Variants in RSPO4 observed in about 807,000 individuals in gnomAD.
The protein encoded by RSPO4 is R-spondin 4.
In RSPO4, 23 loss-of-function variants were observed where a neutral mutation model predicts 24.8. That is an observed-to-expected ratio of 0.93 (90% CI 0.67 to 1.31). The LOEUF (loss-of-function observed/expected upper bound fraction) is 1.31, where lower values mean the gene tolerates loss of function less well. Ranked by LOEUF, RSPO4 falls within the 40% of genes most tolerant of loss-of-function variation. The pLI is 0.00. For missense variants in RSPO4, 333 were observed against 316.5 expected (o/e 1.05, Z -0.39); for synonymous variants, 141 against 127.4 (o/e 1.11, Z -0.72).
intron 1 of RSPO4, among the ~76,000 whole-genome samples, chr20:983,177 C>T (rs1298243358): frequency 6.6e-6 from 1 of 152,220 alleles, no homozygotes; most frequent in Non-Finnish European, 1.5e-5. Flanking sequence ...ATCAACAGAG[C>T]TCAGGGCTAG....
At chr20:993,579 A>G (rs1985180166) in intron 1 of RSPO4, among the ~76,000 whole-genome samples, 1 of 152,150 alleles carries the variant, frequency 6.6e-6, no homozygotes, top group South Asian at 2.1e-4. Flanking sequence ...AGGGAGAATA[A>G]TAGGGTCAAG....
intron 1 of RSPO4, among the ~76,000 whole-genome samples, chr20:978,043 G>C (rs1984621124): frequency 6.6e-6 from 1 of 152,174 alleles, no homozygotes; most frequent in African/African-American, 2.4e-5. Flanking sequence ...CTCTAGCAAG[G>C]GGGTGGGCCC....
intron 1 of RSPO4, among the ~76,000 whole-genome samples, chr20:996,669 T>C (rs566550214): frequency 6.6e-6 from 1 of 152,296 alleles, no homozygotes; most frequent in Admixed American, 6.5e-5. Flanking sequence ...GGAACACCCA[T>C]CTCTGCTGTC....
rs1177377572 is a variant in RSPO4, at chr20:964,963, G to C, written c.410-843C>G. On this transcript the variant is annotated intron_variant, in intron 3 of 4. Transcript: ENST00000217260. ...TAGAGCAGAGGTTTGCTAAGGGAACGCAGCAAGAGGCTCACACAGCAGACA... is the reference window on the plus strand; with the variant it reads ...TAGAGCAGAGGTTTGCTAAGGGAACCCAGCAAGAGGCTCACACAGCAGACA... 1.1e-4 allele frequency among the ~76,000 whole-genome samples: 17 copies of C among 152,106 alleles called. 1 individual carries two copies. The East Asian group carries it at 3.1e-3, about 28-fold the overall frequency.
At position 958,461 on chromosome 20, in the gene RSPO4, T is replaced by C. The variant is rs1983861798; in HGVS notation, c.*1896A>G. ...TGATGCTCAAGAAGCATTTACAAGT[T>C]TCTTTTCCCTTTATTAAGAAAGTTT... On this transcript the variant is annotated 3_prime_UTR_variant, in exon 5 of 5. Coordinates refer to ENST00000217260, the MANE Select transcript of RSPO4 (RefSeq NM_001029871.4). 6.6e-6 allele frequency: 1 copy of C among 152,320 alleles called. No individual in the cohort carries two copies. The highest frequency in any genetic ancestry group is 1.5e-5 in the Non-Finnish European group (1 of 68,032). The allele number at this position is 152,320 out of a possible 1,614,324, so 9.4% of individuals were successfully genotyped here.
chr20:967,314 T>C lies in RSPO4; in HGVS notation c.269A>G (p.Lys90Arg). Residue 90 changes from lysine to arginine, a missense_variant and splice_region_variant, in exon 3 of 5, where the codon AAA becomes AGA. Coordinates refer to ENST00000217260, the MANE Select transcript of RSPO4 (RefSeq NM_001029871.4). ...IRGQEVNRCK[K>R]CGATCESCFS... ...GCAGCTCTCACAAGTGGCCCCACAT[T>C]CTGTAATAGAGCCAGGGACACCCCA... The C allele has an allele frequency of 6.2e-7, 1 of 1,614,066 alleles. No homozygotes were observed.
rs1983936426 is a variant in RSPO4 at position 960,107 on chromosome 20, T to C, written c.*250A>G. The C allele has an allele frequency of 3.7e-6, 2 of 543,542 alleles. No individual in the cohort carries two copies. Among genetic ancestry groups the C allele is most frequent in the Non-Finnish European group, 6.4e-6 (2 of 310,124 alleles). The allele number at this position is 543,542 out of a possible 1,614,324, so 33.7% of individuals were successfully genotyped here. On this transcript the variant is annotated 3_prime_UTR_variant, in exon 5 of 5. Transcript: ENST00000217260. ...AAGAAAAGGAAAGATAAAAGATAAGTGAGAAAGAAGAGGAAGGAAGGGAAG... is the reference window on the plus strand; with the variant it reads ...AAGAAAAGGAAAGATAAAAGATAAGCGAGAAAGAAGAGGAAGGAAGGGAAG...
Position 981,472 on chromosome 20 carries a change from C to G in RSPO4, c.80-13334G>C, listed in dbSNP as rs1287468387. Among the ~76,000 whole-genome samples the G allele has an allele frequency of 6.6e-6, 1 of 152,130 alleles. No homozygotes were observed. Among genetic ancestry groups the G allele is most frequent in the Non-Finnish European group, 1.5e-5 (1 of 68,018 alleles). On this transcript the variant is annotated intron_variant, in intron 1 of 4. Coordinates refer to ENST00000217260, the MANE Select transcript of RSPO4 (RefSeq NM_001029871.4). This position sits in a 1 kb window ranked among gnomAD's most constrained non-coding sequence, Gnocchi z 4.6. ...TCCAGGATGCGGAGGTTGCATGAGC[C>G]AAGATTGCACCACTGCACTCCAGCC...
chr20:996,567 T>C (rs777545758), intron 1 of RSPO4, among the ~76,000 whole-genome samples: 8 of 152,212 alleles, frequency 5.3e-5, no homozygotes, highest in Non-Finnish European at 7.3e-5. Context: ...GTAAATACTT[T>C]AGGCTTTTTG....
At chr20:963,536 A>G (rs1984073675) in intron 4 of RSPO4, among the ~76,000 whole-genome samples, 1 of 152,176 alleles carries the variant, frequency 6.6e-6, no homozygotes, top group Non-Finnish European at 1.5e-5. Context: ...GCTTCCATCA[A>G]GAAATTTCTT....
At position 964,058 on chromosome 20, in the gene RSPO4, C is replaced by T. The variant is rs749509229; in HGVS notation, c.472G>A (p.Gly158Ser). 3.2e-5 allele frequency: 51 copies of T among 1,613,726 alleles called. No homozygotes were observed. Among genetic ancestry groups the T allele is most frequent in the Admixed American group, 3.0e-4 (18 of 60,008 alleles). The change falls in exon 4 of 5, where the codon GGC becomes AGC. Residue 158 changes from glycine to serine, a missense_variant. Physicochemically the swap from Gly to Ser is moderately conservative, Grantham distance 56. Transcript: ENST00000217260. ...CGGCTCTCCAGGCCCCAAGCCGAGCCGCAGGTCTTTCCATTGTGTGTGCAG... is the reference window on the plus strand; with the variant it reads ...CGGCTCTCCAGGCCCCAAGCCGAGCTGCAGGTCTTTCCATTGTGTGTGCAG... Reference protein sequence around the residue: ...SPCTHNGKTCGSAWGLESRVR... With the variant: ...SPCTHNGKTCSSAWGLESRVR...
intron 4 of RSPO4, among the ~76,000 whole-genome samples, chr20:962,973 A>C (rs1331652276): frequency 6.6e-6 from 1 of 152,236 alleles, no homozygotes; most frequent in Non-Finnish European, 1.5e-5. Context: ...GTTAACGATT[A>C]TAGAGAATTC....
At chr20:997,619 C>G (rs953407857) in intron 1 of RSPO4, among the ~76,000 whole-genome samples, 2 of 152,172 alleles carry the variant, frequency 1.3e-5, no homozygotes, top group African/African-American at 4.8e-5. Flanking sequence ...TGCCAGCACT[C>G]AGGGGACATA....
chr20:980,147 C>T (rs187070962), intron 1 of RSPO4, among the ~76,000 whole-genome samples: 33 of 152,284 alleles, frequency 2.2e-4, no homozygotes, highest in Admixed American at 5.2e-4. Context: ...AGGTTCAGAG[C>T]AATGATGCTG....
chr20:969,796 A>G (rs1466762309), intron 1 of RSPO4, among the ~76,000 whole-genome samples: 1 of 152,156 alleles, frequency 6.6e-6, no homozygotes, highest in Non-Finnish European at 1.5e-5. Flanking sequence ...TCACTAAGTG[A>G]CAGGAAAGGA....
intron 1 of RSPO4, among the ~76,000 whole-genome samples, chr20:991,005 G>A (rs1031619674): frequency 2.0e-5 from 3 of 152,204 alleles, no homozygotes; most frequent in African/African-American, 4.8e-5. Context: ...AGGAAGGCCC[G>A]AGGGCTGCTG....
chr20:982,638 G>A (rs1257258808), intron 1 of RSPO4, among the ~76,000 whole-genome samples: 1 of 152,174 alleles, frequency 6.6e-6, no homozygotes, highest in Non-Finnish European at 1.5e-5. Flanking sequence ...GTTCTTTCAG[G>A]TGCTGGCTTT....
intron 1 of RSPO4, among the ~76,000 whole-genome samples, chr20:992,265 T>C (rs1473565126): frequency 8.4e-6 from 1 of 118,636 alleles, no homozygotes; most frequent in Non-Finnish European, 1.6e-5. Flanking sequence ...TCCACTTTCT[T>C]TTTTTTTTTT....
At chr20:998,310 G>A (rs536620234) in intron 1 of RSPO4, among the ~76,000 whole-genome samples, 4 of 152,230 alleles carry the variant, frequency 2.6e-5, no homozygotes, top group South Asian at 4.1e-4. Context: ...CTAGGGATGC[G>A]AACCAGGGCC....
Sources: allele counts gnomAD v4.1 joint callset (sites outside exome capture counted in the v4.1 genomes callset), GRCh38; gene constraint gnomAD v4.1.1; non-coding constraint Gnocchi (gnomAD v3.1); transcripts MANE v1.5; gene names NCBI Gene and HGNC (gene_info 2026-07-23, HGNC 2026-07-21).